The following STPG2 variants were observed in gnomAD, a reference collection of about 807,000 sequenced individuals.
STPG2 encodes sperm tail PG-rich repeat containing 2, also known as sperm-tail PG-rich repeat-containing protein 2.
Under a neutral mutation model 54.2 loss-of-function variants are expected in STPG2, and 56 were observed. The observed-to-expected ratio is 1.03, with a 90% CI of 0.83 to 1.29. The LOEUF is 1.29. Among genes scored for constraint, STPG2 ranks in the 50% most tolerant of loss-of-function variants. The probability of loss-of-function intolerance (pLI) is 0.00; values close to 1 mark genes in which losing one functional copy is unlikely to be tolerated. For missense variants in STPG2, 596 were observed against 544.9 expected, an observed-to-expected ratio of 1.09 and a Z score of -0.93; for synonymous variants, 200 against 181.8, an observed-to-expected ratio of 1.10 and a Z score of -0.81.
chr4:98,126,581 G>T (rs371685821), intron 3 of STPG2, among the ~76,000 whole-genome samples: 1 of 152,124 alleles, frequency 6.6e-6, no homozygotes, highest in Non-Finnish European at 1.5e-5. Context: ...TGCACCAACC[G>T]CCTAGTCAGT....
At chr4:97,839,642 T>G (rs1728738725) in intron 9 of STPG2, among the ~76,000 whole-genome samples, 1 of 150,918 alleles carries the variant, frequency 6.6e-6, no homozygotes, top group South Asian at 2.1e-4. Context: ...AGCTAAAACC[T>G]CACAAAATCA....
chr4:97,936,780 A>T (rs1411581634), intron 8 of STPG2, among the ~76,000 whole-genome samples: 2 of 152,102 alleles, frequency 1.3e-5, no homozygotes, highest in East Asian at 3.9e-4. Flanking sequence ...TTTGTAGGTG[A>T]CCTGGCCTTT....
chr4:98,010,231 G>A (rs1735702678), intron 5 of STPG2, among the ~76,000 whole-genome samples: 1 of 151,794 alleles, frequency 6.6e-6, no homozygotes, highest in African/African-American at 2.4e-5. Flanking sequence ...GGTATTTATT[G>A]ATATAAAATT....
intron 5 of STPG2, among the ~76,000 whole-genome samples, chr4:97,983,002 T>A (rs769180571): frequency 1.3e-5 from 2 of 152,158 alleles, no homozygotes; most frequent in Non-Finnish European, 2.9e-5. Context: ...TCTCCTTCAA[T>A]TATTTATTTC....
chr4:97,969,860 G>A (rs1229560571), intron 7 of STPG2, among the ~76,000 whole-genome samples: 1 of 152,144 alleles, frequency 6.6e-6, no homozygotes, highest in African/African-American at 2.4e-5. Context: ...CAGGAAAGGA[G>A]GAAGTCAAAT....
At chr4:97,679,823 C>T (rs1419534448) in intron 10 of STPG2, among the ~76,000 whole-genome samples, 1 of 152,058 alleles carries the variant, frequency 6.6e-6, no homozygotes, top group South Asian at 2.1e-4. Context: ...AGGAAGGGAT[C>T]CAGTTTCAGC....
chr4:97,997,067 A>G (rs1295626258), intron 5 of STPG2, among the ~76,000 whole-genome samples: 1 of 152,242 alleles, frequency 6.6e-6, no homozygotes, highest in African/African-American at 2.4e-5. Flanking sequence ...TTATCATTTG[A>G]CCAAGCAATC....
chr4:97,931,395 G>A (rs189842820), intron 8 of STPG2, among the ~76,000 whole-genome samples: 9 of 152,270 alleles, frequency 5.9e-5, no homozygotes, highest in Admixed American at 3.9e-4. Flanking sequence ...TAACATGCAG[G>A]CATGTTGAAT....
At chr4:97,816,285 A>G (rs189588990) in intron 9 of STPG2, among the ~76,000 whole-genome samples, 17 of 152,262 alleles carry the variant, frequency 1.1e-4, no homozygotes, top group Admixed American at 6.5e-4. Context: ...TATCATTGAT[A>G]GTCATTTGCG....
At chr4:97,548,619 C>G (rs1578380187) in intron 4 of STPG2, among the ~76,000 whole-genome samples, 1 of 151,986 alleles carries the variant, frequency 6.6e-6, no homozygotes, top group Non-Finnish European at 1.5e-5. Flanking sequence ...TATTTGGAGT[C>G]TATATTTTAA....
chr4:97,720,862 A>T (rs1724427259), intron 9 of STPG2, among the ~76,000 whole-genome samples: 1 of 152,004 alleles, frequency 6.6e-6, no homozygotes, highest in Non-Finnish European at 1.5e-5. Context: ...CAACAATAAA[A>T]CAAATTCTAG....
intron 9 of STPG2, among the ~76,000 whole-genome samples, chr4:97,837,178 A>C (rs1283162659): frequency 2.6e-5 from 4 of 151,658 alleles, no homozygotes; most frequent in Non-Finnish European, 5.9e-5. Context: ...TTACTTTTTT[A>C]ATGAAGTCCT....
intron 5 of STPG2, among the ~76,000 whole-genome samples, chr4:97,996,362 G>A (rs1053532089): frequency 4.6e-5 from 7 of 152,130 alleles, no homozygotes; most frequent in African/African-American, 1.2e-4. Context: ...AGAACTCCTC[G>A]TTTAATAGAT....
At chr4:97,455,336 C>T (rs944852901) in intron 4 of STPG2, among the ~76,000 whole-genome samples, 9 of 152,060 alleles carry the variant, frequency 5.9e-5, no homozygotes, top group Admixed American at 5.9e-4. Flanking sequence ...GTTGCATTTC[C>T]CGAGACCACC....
At chr4:97,795,187 T>A (rs1560530982) in intron 9 of STPG2, among the ~76,000 whole-genome samples, 5 of 152,192 alleles carry the variant, frequency 3.3e-5, no homozygotes, top group Admixed American at 2.6e-4. Flanking sequence ...CTACTTTTTT[T>A]ATTAATTTTT....
chr4:97,784,834 T>C (rs1006726585), intron 9 of STPG2, among the ~76,000 whole-genome samples: 2 of 152,052 alleles, frequency 1.3e-5, no homozygotes, highest in Admixed American at 6.6e-5. Flanking sequence ...TCTTGTTAGA[T>C]GTTTTAGTCT....
chr4:97,877,481 T>C (rs1403419922), intron 8 of STPG2, among the ~76,000 whole-genome samples: 2 of 152,156 alleles, frequency 1.3e-5, no homozygotes, highest in Non-Finnish European at 2.9e-5. Context: ...TCCACGTGGC[T>C]GGGGATGCCT....
intron 8 of STPG2, among the ~76,000 whole-genome samples, chr4:97,936,289 T>A (rs941780880): frequency 5.3e-5 from 8 of 152,282 alleles, no homozygotes; most frequent in South Asian, 2.1e-4. Flanking sequence ...ATGAGATGTG[T>A]CTCTTGAATA....
At position 97,908,025 on chromosome 4, in the gene STPG2, T is replaced by C. The variant is rs886710357; in HGVS notation, c.1044+35872A>G. Among the ~76,000 whole-genome samples the C allele has an allele frequency of 7.2e-5, 11 of 151,946 alleles. No individual in the cohort carries two copies. In the South Asian group the frequency reaches 8.3e-4, roughly 11 times the overall value. On this transcript the variant is annotated intron_variant, in intron 8 of 10. Transcript: ENST00000295268. Reference sequence around the variant, plus strand: ...AAGCCAAAATTGACAAATGGGATCTTATTAAACTAAAGAGCTTCTGCACAG... The same window carrying C: ...AAGCCAAAATTGACAAATGGGATCTCATTAAACTAAAGAGCTTCTGCACAG...
Sources: gnomAD v4.1 joint callset for allele counts (sites outside exome capture counted in the v4.1 genomes callset) on GRCh38, gnomAD v4.1.1 for gene constraint, MANE v1.5 for transcripts, NCBI Gene and HGNC (gene_info 2026-07-23, HGNC 2026-07-21) for gene names.